Variants in LPA observed in about 807,000 individuals in gnomAD.
LPA encodes apolipoprotein(a).
In LPA, 199 loss-of-function variants were observed where a neutral mutation model predicts 197.9. The observed-to-expected ratio is 1.01, with a 90% CI of 0.90 to 1.13. The LOEUF is 1.13. Among genes scored for constraint, LPA ranks in the 50% most tolerant of loss-of-function variants. LPA has a pLI of 0.00. For synonymous variants in LPA, 715 were observed against 639.5 expected, an observed-to-expected ratio of 1.12 and a Z score of -1.78; for missense variants, 1,853 against 1,785.8, an observed-to-expected ratio of 1.04 and a Z score of -0.68.
At position 160,531,860 on chromosome 6, in the gene LPA, C is replaced by T. The variant is rs370166745; in HGVS notation, c.5992G>A (p.Glu1998Lys). 5 of 1,614,046 alleles carry T rather than the reference C, an allele frequency of 3.1e-6. No individual in the cohort carries two copies. The highest frequency in any genetic ancestry group is 1.7e-5 in the Admixed American group (1 of 59,986). ...GDSGGPLVCF[E>K]KDKYILQGVT... Reference sequence around the variant, plus strand: ...CCTTGTAAAATGTATTTGTCCTTCTCGAAGCAAACCAGAGGCCCTCCACTG... The same window carrying T: ...CCTTGTAAAATGTATTTGTCCTTCTTGAAGCAAACCAGAGGCCCTCCACTG... The change falls in exon 39 of 39, where the codon GAG becomes AAG. Residue 1998 changes from glutamate (E) to lysine (K), a missense_variant. Glu to Lys is a moderately conservative substitution (Grantham distance 56, BLOSUM62 1). Transcript: ENST00000316300.
At chr6:160,567,255 C>T (rs1276460764) in intron 28 of LPA, among the ~76,000 whole-genome samples, 1 of 152,188 alleles carries the variant, frequency 6.6e-6, no homozygotes, top group African/African-American at 2.4e-5. Flanking sequence ...TGAGGCATTC[C>T]TCAGCAAATG....
At chr6:160,610,775 T>C (rs768435994) in intron 16 of LPA, among the ~76,000 whole-genome samples, 3 of 152,156 alleles carry the variant, frequency 2.0e-5, no homozygotes, top group African/African-American at 7.2e-5. Flanking sequence ...TGCTATTCAG[T>C]GCAGGAAGGG....
chr6:160,546,102 T>C (rs946457707), intron 32 of LPA, among the ~76,000 whole-genome samples: 5 of 152,150 alleles, frequency 3.3e-5, no homozygotes, highest in African/African-American at 1.2e-4. Flanking sequence ...GGAGCTGCAA[T>C]GAAGCAACTC....
chr6:160,647,931 A>G (rs1428101907), intron 2 of LPA, among the ~76,000 whole-genome samples: 1 of 152,230 alleles, frequency 6.6e-6, no homozygotes, highest in Non-Finnish European at 1.5e-5. Flanking sequence ...TATAGGCTGC[A>G]GAAAGTTCCC....
In LPA at chr6:160,589,662, G is replaced by C. The variant is rs1478483980; in HGVS notation, c.3838C>G (p.Gln1280Glu). The change falls in exon 24 of 39, where the codon CAG becomes GAG. Residue 1280 changes from glutamine (Q) to glutamate (E), a missense_variant. Gln to Glu is a conservative substitution (Grantham distance 29). This residue lies in a region of LPA where 1,737 missense variants were observed against 1,504.4 expected (regional missense o/e 1.15). Transcript: ENST00000316300. ...TVQDCYHGDGQSYRGSFSTTV... is the reference protein window; with the variant it reads ...TVQDCYHGDGESYRGSFSTTV... ...GTGGAGAATGAGCCTCGATAACTCTGTCCATCACCATGGTAGCAGTCCTGG... is the reference window on the plus strand; with the variant it reads ...GTGGAGAATGAGCCTCGATAACTCTCTCCATCACCATGGTAGCAGTCCTGG... The C allele has an allele frequency of 9.9e-6, 16 of 1,613,930 alleles. No individual in the cohort carries two copies. Among genetic ancestry groups the C allele is most frequent in the East Asian group, 8.9e-5 (4 of 44,858 alleles).
At position 160,585,042 on chromosome 6, in the gene LPA, A is replaced by C. The variant is rs531157060; in HGVS notation, c.4289+4T>G. The C allele has an allele frequency of 1.1e-5, 17 of 1,613,658 alleles. No homozygotes were observed. The South Asian group carries it at 1.4e-4, about 14-fold the overall frequency. On this transcript the variant is annotated splice_donor_region_variant and intron_variant, in intron 26 of 38. Transcript: ENST00000316300. ...TCCTTTTATGGCTAACATGATAGACATACGCATTTGGATAGTATAATGGGA... is the reference window on the plus strand; with the variant it reads ...TCCTTTTATGGCTAACATGATAGACCTACGCATTTGGATAGTATAATGGGA...
Position 160,557,370 on chromosome 6 carries a change from T to A in LPA, c.4813+20A>T, listed in dbSNP as rs764296652. On this transcript the variant is annotated intron_variant, in intron 29 of 38. Transcript: ENST00000316300. ...ATCCCAATGTTCAAATGTGTAGATATCTGGCCACAGACTTCTTACCTGCTT... is the reference window on the plus strand; with the variant it reads ...ATCCCAATGTTCAAATGTGTAGATAACTGGCCACAGACTTCTTACCTGCTT... The A allele has an allele frequency of 3.7e-6, 6 of 1,613,818 alleles. No individual in the cohort carries two copies. Among genetic ancestry groups the A allele is most frequent in the Non-Finnish European group, 5.1e-6 (6 of 1,179,710 alleles).
At chr6:160,570,889 T>C (rs1331141834) in intron 28 of LPA, among the ~76,000 whole-genome samples, 1 of 152,240 alleles carries the variant, frequency 6.6e-6, no homozygotes, top group Non-Finnish European at 1.5e-5. Context: ...TGGTATTCTC[T>C]GTATTTCCTT....
rs927922421 is a variant in LPA, at chr6:160,656,638, C to G, written c.50-6141G>C. On this transcript the variant is annotated intron_variant, in intron 1 of 38. Transcript: ENST00000316300. ...CCTTTCTCCAGTACACACAGTTACC[C>G]TGGTAAAAGGCCAGAGGTCTCCTTA... Among the ~76,000 whole-genome samples the G allele has an allele frequency of 1.8e-4, 28 of 152,156 alleles. 1 individual carries two copies. Among genetic ancestry groups the G allele is most frequent in the African/African-American group, 5.6e-4 (23 of 41,434 alleles).
At chr6:160,563,377 T>G (rs142421200) in intron 28 of LPA, among the ~76,000 whole-genome samples, 26 of 152,350 alleles carry the variant, frequency 1.7e-4, no homozygotes, top group African/African-American at 6.0e-4. Context: ...TTGTGTGGTT[T>G]TGAGTGAGTT....
At chr6:160,577,696 A>G (rs527855568) in intron 27 of LPA, among the ~76,000 whole-genome samples, 1 of 152,204 alleles carries the variant, frequency 6.6e-6, no homozygotes, top group East Asian at 1.9e-4. Flanking sequence ...ATTTCCCTAG[A>G]CCATTGCTCA....
Position 160,586,589 on chromosome 6 carries a change from A to T in LPA, c.3989T>A (p.Ile1330Asn), listed in dbSNP as rs766023772. 3 of 1,613,784 alleles carry T rather than the reference A, an allele frequency of 1.9e-6. No homozygotes were observed. The South Asian group carries it at 3.3e-5, about 18-fold the overall frequency. Reference sequence around the variant, plus strand: ...ATCCATGGTATAACACCAAGGGCGAATCTCAGCATCTGGATTCCTGCAGTA... The same window carrying T: ...ATCCATGGTATAACACCAAGGGCGATTCTCAGCATCTGGATTCCTGCAGTA... ...RNYCRNPDAE[I>N]RPWCYTMDPS... Residue 1330 changes from isoleucine (I) to asparagine (N), a missense_variant, in exon 25 of 39, where the codon ATT becomes AAT. Around this residue, in one of 3 missense-constraint regions of LPA, gnomAD observed 1,737 missense variants for 1,504.4 expected, o/e 1.15. Coordinates refer to ENST00000316300, the MANE Select transcript of LPA (RefSeq NM_005577.4).
At position 160,647,198 on chromosome 6, in the gene LPA, C is replaced by A. The variant is rs528364683; in HGVS notation, c.210-803G>T. Among the ~76,000 whole-genome samples the A allele has an allele frequency of 5.9e-5, 9 of 152,224 alleles. No individual in the cohort carries two copies. The East Asian group carries it at 1.7e-3, about 29-fold the overall frequency. ...GTTGAAAGAACAGTGGGTCCCATGGCATAAAGGAAGATGGCAGGAAGACTA... is the reference window on the plus strand; with the variant it reads ...GTTGAAAGAACAGTGGGTCCCATGGAATAAAGGAAGATGGCAGGAAGACTA... On this transcript the variant is annotated intron_variant, in intron 2 of 38. Coordinates refer to ENST00000316300, the MANE Select transcript of LPA (RefSeq NM_005577.4).
intron 28 of LPA, among the ~76,000 whole-genome samples, chr6:160,570,877 T>A (rs1778550283): frequency 1.3e-5 from 2 of 152,216 alleles, no homozygotes; most frequent in Admixed American, 6.5e-5. Flanking sequence ...TGAATTTGAA[T>A]GTGGTATTCT....
At chr6:160,567,715 T>A (rs1392884838) in intron 28 of LPA, among the ~76,000 whole-genome samples, 1 of 152,112 alleles carries the variant, frequency 6.6e-6, no homozygotes, top group East Asian at 1.9e-4. Context: ...AGCTGGTTTT[T>A]TGAAAAGATC....
chr6:160,586,765 A>T, intron 24 of LPA, 135 bp from the exon 25 acceptor site: 1 of 1,198,194 alleles, frequency 8.3e-7, no homozygotes, highest in South Asian at 1.3e-5. Flanking sequence ...CATAACACTC[A>T]CAAATGGTCC....
At chr6:160,604,925 T>C in intron 18 of LPA, 121 bp downstream of exon 18, 1 of 1,451,446 alleles carries the variant, frequency 6.9e-7, no homozygotes, top group Non-Finnish European at 9.6e-7. Context: ...CCTGAGACAT[T>C]TTGCTATGCA....
intron 28 of LPA, among the ~76,000 whole-genome samples, chr6:160,568,351 T>C (rs1778501082): frequency 1.3e-5 from 2 of 151,984 alleles, no homozygotes; most frequent in Admixed American, 1.3e-4. Context: ...AATCAATAAA[T>C]GTAATCCATC....
intron 28 of LPA, among the ~76,000 whole-genome samples, chr6:160,559,524 G>A (rs1778327184): frequency 6.6e-6 from 1 of 152,180 alleles, no homozygotes. Context: ...TTGGGATAAA[G>A]ATTCAGGAAT....
Sources: gnomAD v4.1 joint callset for allele counts (sites outside exome capture counted in the v4.1 genomes callset) on GRCh38, gnomAD v4.1.1 for gene constraint, gnomAD v4.1.1 regional missense constraint, MANE v1.5 for transcripts, NCBI Gene and HGNC (gene_info 2026-07-23, HGNC 2026-07-21) for gene names.